GRIN2A: variants seen among roughly 807,000 people sequenced by gnomAD.
The protein encoded by GRIN2A is glutamate receptor ionotropic, NMDA 2A.
A neutral mutation model predicts 113.4 loss-of-function variants in GRIN2A; 22 were observed. That is an observed-to-expected ratio of 0.19 (90% CI 0.14 to 0.28). The LOEUF is 0.28. Among genes scored for constraint, GRIN2A ranks in the 10% least tolerant of loss-of-function variants. The pLI is 1.00. For synonymous variants in GRIN2A, 827 were observed against 738.4 expected, an observed-to-expected ratio of 1.12 and a Z score of -1.94; for missense variants, 1,502 against 1,887.0, an observed-to-expected ratio of 0.80 and a Z score of 3.78.
chr16:9,975,255 T>C (rs1274065125), intron 2 of GRIN2A, among the ~76,000 whole-genome samples: 3 of 152,172 alleles, frequency 2.0e-5, no homozygotes, highest in African/African-American at 4.8e-5. Flanking sequence ...CCTTTAACCC[T>C]GGAACCTCTG....
intron 11 of GRIN2A, among the ~76,000 whole-genome samples, chr16:9,795,468 G>C (rs564012389): frequency 6.6e-6 from 1 of 152,294 alleles, no homozygotes; most frequent in South Asian, 2.1e-4. Flanking sequence ...TCTGTCTATG[G>C]AGTAGCCATT....
chr16:9,866,436 C>T (rs2043161155), intron 4 of GRIN2A, among the ~76,000 whole-genome samples: 1 of 151,806 alleles, frequency 6.6e-6, no homozygotes, highest in Non-Finnish European at 1.5e-5. Context: ...GGAAGAAACA[C>T]AAATATATAA....
rs1444163285 is a variant in GRIN2A, at chr16:9,961,210, C to G, written c.415-22659G>C. On this transcript the variant is annotated intron_variant, in intron 2 of 12. Transcript: ENST00000330684. ...ACTACTATCTCACTGAAGCTGTGGT[C>G]CCGGAGGAAGACATTCCAAGTCTGA... Among the ~76,000 whole-genome samples, 2 of 152,112 alleles carry G rather than the reference C, an allele frequency of 1.3e-5. 1 individual carries two copies. The highest frequency in any genetic ancestry group is 2.9e-5 in the Non-Finnish European group (2 of 68,034).
At chr16:9,883,316 G>A (rs1196175877) in intron 4 of GRIN2A, among the ~76,000 whole-genome samples, 1 of 152,182 alleles carries the variant, frequency 6.6e-6, no homozygotes, top group Non-Finnish European at 1.5e-5. Context: ...CCAAACCCTT[G>A]TGGTGAAGCT....
intron 9 of GRIN2A, among the ~76,000 whole-genome samples, chr16:9,828,415 C>G (rs1248531018): frequency 6.6e-6 from 1 of 152,166 alleles, no homozygotes; most frequent in East Asian, 1.9e-4. Flanking sequence ...CATGGATAAG[C>G]TGTAAAAGCT....
chr16:9,822,251 C>T lies in GRIN2A; in HGVS notation c.2168+13G>A, dbSNP rs1292449419. Reference sequence around the variant, plus strand: ...TCGCAGACCTGTGGTGAAAAGGAAACTGCCATCCTTACCCCGTTTTCAGGC... The same window carrying T: ...TCGCAGACCTGTGGTGAAAAGGAAATTGCCATCCTTACCCCGTTTTCAGGC... On this transcript the variant is annotated intron_variant, in intron 10 of 12. Coordinates refer to ENST00000330684, the MANE Select transcript of GRIN2A (RefSeq NM_001134407.3). 6.2e-7 allele frequency: 1 copy of T among 1,613,412 alleles called. No homozygotes were observed. The highest frequency in any genetic ancestry group is 1.1e-5 in the South Asian group (1 of 91,058).
At chr16:10,016,567 C>T (rs1480872666) in intron 2 of GRIN2A, among the ~76,000 whole-genome samples, 1 of 152,130 alleles carries the variant, frequency 6.6e-6, no homozygotes, top group Admixed American at 6.5e-5. Flanking sequence ...CCTGTGCCTC[C>T]TATCTGGCAT....
chr16:10,101,258 G>A (rs561492634), intron 2 of GRIN2A, among the ~76,000 whole-genome samples: 1 of 152,254 alleles, frequency 6.6e-6, no homozygotes, highest in East Asian at 1.9e-4. Flanking sequence ...TTTTTTCCCA[G>A]GTACTTATGC....
chr16:9,813,518 T>TGGCTTTTTTTTTTTTTC (rs2042127651), intron 10 of GRIN2A, among the ~76,000 whole-genome samples: 3 of 109,748 alleles, frequency 2.7e-5, no homozygotes, highest in Middle Eastern at 6.4e-3. Flanking sequence ...CTGTTTTTTT[T>TGGCTTTTTTTTTTTTTC]GCCTTTTTTT....
chr16:9,764,566 G>C lies in GRIN2A; in HGVS notation c.2978C>G (p.Pro993Arg), dbSNP rs1900790690. ...GCTCACGGCCACCTCCACCGTGTTA[G>C]GGTTGGACTCATTGAGAGTAAGAGG... ...QHPLTLNESN[P>R]NTVEVAVSTE... is the part of the protein sequence containing the mutation. Residue 993 changes from proline (P) to arginine (R), a missense_variant, in exon 13 of 13, where the codon CCT (proline) becomes CGT (arginine). Pro to Arg is a moderately radical substitution (Grantham distance 103). Transcript: ENST00000330684. The C allele has an allele frequency of 1.2e-6, 2 of 1,614,012 alleles. No individual in the cohort carries two copies. The highest frequency in any genetic ancestry group is 1.1e-5 in the South Asian group (1 of 91,080).
At chr16:10,109,360 G>A (rs1567305201) in intron 2 of GRIN2A, among the ~76,000 whole-genome samples, 1 of 150,928 alleles carries the variant, frequency 6.6e-6, no homozygotes, top group Admixed American at 6.6e-5. Context: ...AAAAAAAAGA[G>A]TCCTACACAA....
chr16:9,989,686 G>C (rs945640471), intron 2 of GRIN2A, among the ~76,000 whole-genome samples: 25 of 150,996 alleles, frequency 1.7e-4, no homozygotes, highest in African/African-American at 6.1e-4. Flanking sequence ...CTTAAATCAA[G>C]AAAAAAAACA....
chr16:9,902,591 C>G (rs981872374), intron 3 of GRIN2A, among the ~76,000 whole-genome samples: 1 of 152,182 alleles, frequency 6.6e-6, no homozygotes, highest in African/African-American at 2.4e-5. Context: ...GTTATTTGAA[C>G]CAAAATCTTT....
Position 9,768,077 on chromosome 16 carries a change from C to T in GRIN2A, c.2595+774G>A, listed in dbSNP as rs771316803. 6.6e-5 allele frequency among the ~76,000 whole-genome samples: 10 copies of T among 152,092 alleles called. 1 individual carries two copies. In the East Asian group the frequency reaches 9.7e-4, roughly 15 times the overall value. On this transcript the variant is annotated intron_variant, in intron 12 of 12. Coordinates refer to ENST00000330684, the MANE Select transcript of GRIN2A (RefSeq NM_001134407.3). ...TTTTTGTTTTTATTTTTTTGTGAGA[C>T]GGAGTCTCGCTCTTTCACCCAGGCT...
intron 3 of GRIN2A, among the ~76,000 whole-genome samples, chr16:9,902,158 G>A (rs2043941995): frequency 6.6e-6 from 1 of 151,712 alleles, no homozygotes; most frequent in Non-Finnish European, 1.5e-5. Flanking sequence ...TTTTAGAGGG[G>A]CACAGAACCT....
chr16:10,004,838 T>C (rs1246642543), intron 2 of GRIN2A, among the ~76,000 whole-genome samples: 1 of 152,190 alleles, frequency 6.6e-6, no homozygotes, highest in Non-Finnish European at 1.5e-5. Context: ...GCCCCTTTTG[T>C]CATGTAAGGT....
intron 4 of GRIN2A, among the ~76,000 whole-genome samples, chr16:9,860,175 A>C (rs1180810493): frequency 6.6e-6 from 1 of 151,846 alleles, no homozygotes; most frequent in Non-Finnish European, 1.5e-5. Flanking sequence ...CCAAATATGA[A>C]ACAGGCATGG....
chr16:9,958,978 T>C (rs2045370012), intron 2 of GRIN2A, among the ~76,000 whole-genome samples: 1 of 152,120 alleles, frequency 6.6e-6, no homozygotes, highest in African/African-American at 2.4e-5. Context: ...ATGAGCAGAA[T>C]TGGTGCTAAT....
intron 4 of GRIN2A, among the ~76,000 whole-genome samples, chr16:9,871,479 T>A (rs2043259871): frequency 1.3e-5 from 2 of 151,466 alleles, no homozygotes; most frequent in African/African-American, 2.4e-5. Context: ...CATTTAAAAG[T>A]CTAGAAGTCT....
Sources: allele counts gnomAD v4.1 joint callset (sites outside exome capture counted in the v4.1 genomes callset), GRCh38; gene constraint gnomAD v4.1.1; transcripts MANE v1.5; gene names NCBI Gene and HGNC (gene_info 2026-07-23, HGNC 2026-07-21).